PLD5: variants seen among roughly 807,000 people sequenced by gnomAD.
The protein encoded by PLD5 is inactive phospholipase D5.
In PLD5, 36 loss-of-function variants were observed where a neutral mutation model predicts 61.1. That is an observed-to-expected ratio of 0.59 (90% CI 0.45 to 0.78). The LOEUF (loss-of-function observed/expected upper bound fraction) is 0.78. PLD5 is among the 30% of genes least tolerant of loss of function. The probability of loss-of-function intolerance (pLI) is 0.00; values close to 1 mark genes in which losing one functional copy is unlikely to be tolerated. For missense variants in PLD5, 515 were observed against 644.4 expected (o/e 0.80, Z 2.17); for synonymous variants, 243 against 242.8 (o/e 1.00, Z -0.01).
chr1:242,295,493 T>C (rs1190303362), intron 2 of PLD5, among the ~76,000 whole-genome samples: 2 of 152,218 alleles, frequency 1.3e-5, no homozygotes, highest in Non-Finnish European at 2.9e-5. Context: ...TATGGCTTTG[T>C]AGTATTGCAT....
intron 1 of PLD5, among the ~76,000 whole-genome samples, chr1:242,398,155 A>G (rs1663711074): frequency 6.6e-6 from 1 of 152,236 alleles, no homozygotes; most frequent in Non-Finnish European, 1.5e-5. Flanking sequence ...GGTCAGAAAG[A>G]TCAGCTGAGA....
intron 1 of PLD5, among the ~76,000 whole-genome samples, chr1:242,405,921 T>TA (rs34033626): frequency 0.39 from 59,355 of 151,238 alleles, 12,153 homozygotes; most frequent in African/African-American, 0.5. Flanking sequence ...ACTTTTGACC[T>TA]AAAAAAAAAT....
At chr1:242,503,055 G>A (rs1026365393) in intron 1 of PLD5, among the ~76,000 whole-genome samples, 7 of 151,982 alleles carry the variant, frequency 4.6e-5, no homozygotes, top group Admixed American at 4.6e-4. Flanking sequence ...GCAAGACTCC[G>A]TCTCAAAAAC....
At chr1:242,190,492 A>G (rs904862181) in intron 5 of PLD5, among the ~76,000 whole-genome samples, 5 of 151,984 alleles carry the variant, frequency 3.3e-5, no homozygotes, top group Admixed American at 6.6e-5. Flanking sequence ...GGATGTGACT[A>G]TCGTGTATTC....
intron 1 of PLD5, among the ~76,000 whole-genome samples, chr1:242,353,883 G>A (rs1660610079): frequency 6.6e-6 from 1 of 151,684 alleles, no homozygotes; most frequent in African/African-American, 2.4e-5. Flanking sequence ...ATTATAAATG[G>A]GATTATTCTC....
In PLD5 at chr1:242,220,018, A is replaced by G. The variant is rs762317137; in HGVS notation, c.705T>C (p.Ser235=). The part of the protein sequence containing the change: ...IVDKQHVYIG[S]AGLDWQSLGQ... ...CCAGGGATTGCCAGTCCAAACCGGC[A>G]CTGCCGATATACACGTGCTGTTTGT... The change falls in exon 5 of 10, where the codon AGT becomes AGC. Residue 235 remains serine (S), a synonymous_variant. Transcript: ENST00000536534. 3.1e-6 allele frequency: 5 copies of G among 1,614,200 alleles called. 1 individual carries two copies. In the South Asian group the frequency reaches 5.5e-5, roughly 18 times the overall value.
chr1:242,204,430 G>A (rs1421793168), intron 5 of PLD5, among the ~76,000 whole-genome samples: 1 of 152,038 alleles, frequency 6.6e-6, no homozygotes. Flanking sequence ...CCCTTGACCG[G>A]GACAGTAACC....
chr1:242,225,058 G>A (rs1670840937), intron 4 of PLD5, among the ~76,000 whole-genome samples: 2 of 152,180 alleles, frequency 1.3e-5, no homozygotes, highest in Admixed American at 1.3e-4. Context: ...CATACAAATT[G>A]AGTCATAGAG....
intron 1 of PLD5, among the ~76,000 whole-genome samples, chr1:242,386,890 T>C (rs1022892462): frequency 3.3e-5 from 5 of 152,224 alleles, no homozygotes; most frequent in African/African-American, 1.2e-4. Context: ...GGAAGCATCA[T>C]GTTGTCTGCA....
At chr1:242,291,848 G>A (rs1243499675) in intron 2 of PLD5, among the ~76,000 whole-genome samples, 1 of 151,936 alleles carries the variant, frequency 6.6e-6, no homozygotes, top group African/African-American at 2.4e-5. Flanking sequence ...ACAAAGAACA[G>A]GGGAAAGAAT....
chr1:242,491,263 T>C (rs1211320693), intron 1 of PLD5, among the ~76,000 whole-genome samples: 2 of 152,248 alleles, frequency 1.3e-5, no homozygotes, highest in Admixed American at 1.3e-4. Context: ...AGTATTTTCC[T>C]GAGTTGTTGA....
At chr1:242,207,710 T>C (rs1669412072) in intron 5 of PLD5, among the ~76,000 whole-genome samples, 2 of 144,170 alleles carry the variant, frequency 1.4e-5, no homozygotes, top group African/African-American at 5.1e-5. Context: ...CACAATTTCT[T>C]CATCCATCTT....
intron 1 of PLD5, among the ~76,000 whole-genome samples, chr1:242,399,357 A>G (rs1308783698): frequency 6.6e-6 from 1 of 152,174 alleles, no homozygotes; most frequent in Non-Finnish European, 1.5e-5. Flanking sequence ...ATCAAATCCA[A>G]TTTATGCTTG....
chr1:242,380,626 A>T (rs988803013), intron 1 of PLD5, among the ~76,000 whole-genome samples: 4 of 152,128 alleles, frequency 2.6e-5, no homozygotes, highest in Non-Finnish European at 5.9e-5. Context: ...TACAAAATGG[A>T]AGAAAATTTT....
At chr1:242,354,450 C>A (rs1660642853) in intron 1 of PLD5, among the ~76,000 whole-genome samples, 1 of 152,102 alleles carries the variant, frequency 6.6e-6, no homozygotes, top group Non-Finnish European at 1.5e-5. Flanking sequence ...AGGAGAAGTA[C>A]CATTTAATAT....
chr1:242,496,491 T>C (rs1241705550), intron 1 of PLD5, among the ~76,000 whole-genome samples: 1 of 152,234 alleles, frequency 6.6e-6, no homozygotes, highest in Non-Finnish European at 1.5e-5. Flanking sequence ...ATGTTCCCAC[T>C]GGCAGTTTTT....
chr1:242,442,566 G>A (rs1048690220), intron 1 of PLD5, among the ~76,000 whole-genome samples: 1 of 152,166 alleles, frequency 6.6e-6, no homozygotes, highest in African/African-American at 2.4e-5. Context: ...GGGAACCAGT[G>A]ATGTTTTATT....
chr1:242,526,948 A>G (rs1259537412), upstream of PLD5, among the ~76,000 whole-genome samples: 2 of 152,128 alleles, frequency 1.3e-5, no homozygotes, highest in Admixed American at 1.3e-4. Context: ...AAACCTTGAC[A>G]AGTGATAGAT....
intron 2 of PLD5, among the ~76,000 whole-genome samples, chr1:242,293,288 G>C (rs1369933182): frequency 2.0e-5 from 3 of 152,140 alleles, no homozygotes; most frequent in Non-Finnish European, 4.4e-5. Context: ...GGGAGCCAAG[G>C]AAGACCGAGT....
Sources: allele counts gnomAD v4.1 joint callset (sites outside exome capture counted in the v4.1 genomes callset), GRCh38; gene constraint gnomAD v4.1.1; transcripts MANE v1.5; gene names NCBI Gene and HGNC (gene_info 2026-07-23, HGNC 2026-07-21).